RAB40B: variants seen among roughly 807,000 people sequenced by gnomAD.
RAB40B encodes RAB40B, member RAS oncogene family.
In RAB40B, 21 loss-of-function variants were observed where a neutral mutation model predicts 24.0. The ratio of observed to expected loss-of-function variants is 0.88; its 90% CI spans 0.62 to 1.26. The LOEUF (loss-of-function observed/expected upper bound fraction) is 1.26, where lower values mean the gene tolerates loss of function less well. Ranked by LOEUF, RAB40B falls within the 50% of genes most tolerant of loss-of-function variation. The probability of loss-of-function intolerance (pLI) is 0.00; values close to 1 mark genes in which losing one functional copy is unlikely to be tolerated. For missense variants in RAB40B, 348 were observed against 390.5 expected, an observed-to-expected ratio of 0.89 and a Z score of 0.92; for synonymous variants, 167 against 169.8, an observed-to-expected ratio of 0.98 and a Z score of 0.13.
chr17:82,659,553 T>TACAG, intron 4 of RAB40B, 27 bp downstream of exon 4: 2 of 1,611,348 alleles, frequency 1.2e-6, no homozygotes, highest in Non-Finnish European at 1.7e-6. Flanking sequence ...TACAGGGATC[T>TACAG]TGGGCAGTGG....
intron 1 of RAB40B, among the ~76,000 whole-genome samples, chr17:82,681,268 A>ATT (rs1340241064): frequency 4.6e-5 from 7 of 152,144 alleles, no homozygotes; most frequent in Non-Finnish European, 4.4e-5. Context: ...TAACTCAAAG[A>ATT]TTGCTGGCTC....
chr17:82,668,474 C>A (rs2143487313), intron 1 of RAB40B, among the ~76,000 whole-genome samples: 1 of 152,360 alleles, frequency 6.6e-6, no homozygotes, highest in Admixed American at 6.5e-5. Flanking sequence ...CCAAGGGGCG[C>A]CTGCAGGCCA....
At chr17:82,674,432 C>T (rs1254715646) in intron 1 of RAB40B, among the ~76,000 whole-genome samples, 1 of 148,330 alleles carries the variant, frequency 6.7e-6, no homozygotes, top group African/African-American at 2.5e-5. Context: ...GAGTTCGAGA[C>T]CATCCTGGCT....
chr17:82,691,685 A>C (rs2046559532), intron 1 of RAB40B, among the ~76,000 whole-genome samples: 1 of 152,286 alleles, frequency 6.6e-6, no homozygotes, highest in African/African-American at 2.4e-5. Flanking sequence ...CCATCTCAAA[A>C]AACAACAACA....
At chr17:82,679,007 C>T (rs1285688772) in intron 1 of RAB40B, among the ~76,000 whole-genome samples, 4 of 151,174 alleles carry the variant, frequency 2.6e-5, no homozygotes, top group African/African-American at 9.7e-5. Context: ...CTCAGCCTCC[C>T]AGGTAGCTGG....
At chr17:82,682,121 GCA>G (rs3078848) in intron 1 of RAB40B, among the ~76,000 whole-genome samples, 126,111 of 149,928 alleles carry the variant, frequency 0.84, 53,187 homozygotes, top group Admixed American at 0.91. Flanking sequence ...ACACACGCAT[GCA>G]CACACACACA....
Position 82,663,523 on chromosome 17 carries a change from G to C in RAB40B, c.203+973C>G, listed in dbSNP as rs75501098. On this transcript the variant is annotated intron_variant, in intron 2 of 5. Coordinates refer to ENST00000571995, the MANE Select transcript of RAB40B (RefSeq NM_006822.3). The surrounding 1 kb of genome is among the most constrained non-coding windows in gnomAD (Gnocchi z 6.2). ...AGGTGTTCCAAGCTGGCCCCAAGGT[G>C]GGGGTGCTGGGGGAGGGAGAGGTGC... Among the ~76,000 whole-genome samples the C allele has an allele frequency of 4.8e-3, 727 of 152,266 alleles. 6 individuals carry two copies. Among genetic ancestry groups the C allele is most frequent in the African/African-American group, 0.016 (683 of 41,544 alleles).
intron 1 of RAB40B, among the ~76,000 whole-genome samples, chr17:82,689,852 G>A (rs769057308): frequency 3.3e-5 from 5 of 151,720 alleles, no homozygotes; most frequent in Middle Eastern, 3.4e-3. Flanking sequence ...CCTGTAATCC[G>A]AGCTACTCAG....
chr17:82,669,861 C>T (rs921663463), intron 1 of RAB40B, among the ~76,000 whole-genome samples: 6 of 152,208 alleles, frequency 3.9e-5, no homozygotes, highest in Non-Finnish European at 5.9e-5. Context: ...AATGAACACA[C>T]TGAGCGTGAA....
rs2248369 is a variant in RAB40B, at chr17:82,675,401, G to T, written c.143-10845C>A. On this transcript the variant is annotated intron_variant, in intron 1 of 5. Coordinates refer to ENST00000571995, the MANE Select transcript of RAB40B (RefSeq NM_006822.3). The surrounding 1 kb of genome is among the most constrained non-coding windows in gnomAD (Gnocchi z 4.5). ...CTGACGTGGTCTCCACCAAGCGCTGGCTTCCTTCACAGCAGCACTTGGCCC... is the reference window on the plus strand; with the variant it reads ...CTGACGTGGTCTCCACCAAGCGCTGTCTTCCTTCACAGCAGCACTTGGCCC... Among the ~76,000 whole-genome samples the T allele has an allele frequency of 6.6e-6, 1 of 151,364 alleles. No homozygotes were observed. Among genetic ancestry groups the T allele is most frequent in the Admixed American group, 6.6e-5 (1 of 15,232 alleles).
chr17:82,674,827 C>A (rs1252488864), intron 1 of RAB40B, among the ~76,000 whole-genome samples: 1 of 151,968 alleles, frequency 6.6e-6, no homozygotes, highest in Non-Finnish European at 1.5e-5. Flanking sequence ...CCAGAATGAA[C>A]CTAACACAGA....
intron 3 of RAB40B, 59 bp from the exon 4 acceptor site, chr17:82,659,716 A>AT (rs1250363781): frequency 8.6e-6 from 12 of 1,389,464 alleles, no homozygotes; most frequent in Non-Finnish European, 1.2e-5. Context: ...AGCTGTGGCC[A>AT]TGCACGCAAA....
chr17:82,695,772 C>A (rs1018699362), intron 1 of RAB40B, among the ~76,000 whole-genome samples: 1 of 152,018 alleles, frequency 6.6e-6, no homozygotes, highest in Non-Finnish European at 1.5e-5. Context: ...AATATCTTTT[C>A]TTAACTCTAA....
At chr17:82,660,222 C>G (rs1212874520) in intron 3 of RAB40B, among the ~76,000 whole-genome samples, 1 of 152,010 alleles carries the variant, frequency 6.6e-6, no homozygotes, top group Non-Finnish European at 1.5e-5. Context: ...GATGCACACA[C>G]AGTGCACACA....
intron 1 of RAB40B, among the ~76,000 whole-genome samples, chr17:82,671,801 AAC>A (rs2046340584): frequency 4.3e-5 from 1 of 23,312 alleles, no homozygotes. Flanking sequence ...CCGTAACTCT[AAC>A]ACACACACTC....
chr17:82,683,946 C>T (rs138243423), intron 1 of RAB40B, among the ~76,000 whole-genome samples: 2 of 152,126 alleles, frequency 1.3e-5, no homozygotes, highest in African/African-American at 2.4e-5. Flanking sequence ...ACTGGCCGGG[C>T]GCAGCGGCTA....
chr17:82,663,875 G>C lies in RAB40B; in HGVS notation c.203+621C>G, dbSNP rs2046208480. Among the ~76,000 whole-genome samples the C allele has an allele frequency of 6.6e-6, 1 of 152,164 alleles. No homozygotes were observed. Among genetic ancestry groups the C allele is most frequent in the Admixed American group, 6.5e-5 (1 of 15,286 alleles). The stretch of plus-strand genomic sequence containing the variant: ...AGCCACAGCGCTATGTCCGTTCTGG[G>C]GTCCCCTACTCTGGATGACGGGGGC... On this transcript the variant is annotated intron_variant, in intron 2 of 5. Coordinates refer to ENST00000571995, the MANE Select transcript of RAB40B (RefSeq NM_006822.3). This position sits in a 1 kb window ranked among gnomAD's most constrained non-coding sequence, Gnocchi z 6.2.
chr17:82,662,836 C>T, intron 2 of RAB40B: 1 of 985,284 alleles, frequency 1.0e-6, no homozygotes, highest in Non-Finnish European at 1.2e-6. Context: ...GCAGCCAGAC[C>T]CGGGGTGGAG....
intron 1 of RAB40B, among the ~76,000 whole-genome samples, chr17:82,674,393 A>G (rs569006178): frequency 6.6e-6 from 1 of 150,770 alleles, no homozygotes; most frequent in East Asian, 2.0e-4. Flanking sequence ...GCACTTTGGG[A>G]GGCCAAGGTG....
Sources: allele counts gnomAD v4.1 joint callset (sites outside exome capture counted in the v4.1 genomes callset), GRCh38; gene constraint gnomAD v4.1.1; non-coding constraint Gnocchi (gnomAD v3.1); transcripts MANE v1.5; gene names NCBI Gene and HGNC (gene_info 2026-07-23, HGNC 2026-07-21).